The following PARP12 variants were observed in gnomAD, a reference collection of about 807,000 sequenced individuals.
PARP12 encodes the protein protein mono-ADP-ribosyltransferase PARP12.
PARP12 carries 59 observed loss-of-function variants against 72.4 expected under a neutral mutation model. The observed-to-expected ratio is 0.81, with a 90% CI of 0.66 to 1.01. PARP12 has a LOEUF of 1.01. PARP12 is among the 50% of genes least tolerant of loss of function. The pLI is 0.00. For missense variants in PARP12, 851 were observed against 914.0 expected, an observed-to-expected ratio of 0.93 and a Z score of 0.89; for synonymous variants, 403 against 371.4, an observed-to-expected ratio of 1.09 and a Z score of -0.98.
intron 4 of PARP12, among the ~76,000 whole-genome samples, chr7:140,052,985 C>T (rs1817024873): frequency 2.0e-5 from 3 of 152,152 alleles, no homozygotes; most frequent in Non-Finnish European, 2.9e-5. Context: ...AACTGAAACT[C>T]TCACACGTTG....
chr7:140,034,188 C>A (rs759178132), intron 8 of PARP12, 47 bp downstream of exon 8: 49 of 1,594,880 alleles, frequency 3.1e-5, no homozygotes, highest in Middle Eastern at 1.7e-4. Flanking sequence ...GCAGAGCACA[C>A]CCCAGCTGAT....
chr7:140,031,725 A>G (rs1437754010), intron 8 of PARP12, among the ~76,000 whole-genome samples: 1 of 152,068 alleles, frequency 6.6e-6, no homozygotes, highest in Non-Finnish European at 1.5e-5. Flanking sequence ...CCCCCTAAAA[A>G]CTAAATTAGA....
intron 6 of PARP12, among the ~76,000 whole-genome samples, chr7:140,038,598 G>A (rs945682671): frequency 7.9e-5 from 12 of 152,288 alleles, no homozygotes; most frequent in African/African-American, 2.9e-4. Context: ...GGAGCACTTA[G>A]TACAGTGCCC....
chr7:140,059,026 C>T (rs10435199), intron 1 of PARP12, among the ~76,000 whole-genome samples: 44,946 of 150,928 alleles, frequency 0.3, 7,686 homozygotes, highest in East Asian at 0.56. Flanking sequence ...ACCCAGGAGG[C>T]GGAGGCCGTG....
At chr7:140,046,721 A>AGTGTGTGTGTGTGTGTGTGTGT (rs9340757) in intron 5 of PARP12, among the ~76,000 whole-genome samples, 163 bp downstream of exon 5, 171 of 135,482 alleles carry the variant, frequency 1.3e-3, no homozygotes, top group Non-Finnish European at 2.0e-3. Flanking sequence ...GGTGGCTCAC[A>AGTGTGTGTGTGTGTGTGTGTGT]GTGTGTGTGT....
chr7:140,025,339 T>C (rs1815692583), intron 11 of PARP12: 1 of 283,166 alleles, frequency 3.5e-6, no homozygotes, highest in Non-Finnish European at 7.1e-6. Context: ...CAAATGGAAA[T>C]CTGAGTTAGA....
chr7:140,034,087 A>G (rs1328338339), intron 8 of PARP12, 148 bp downstream of exon 8: 3 of 1,347,818 alleles, frequency 2.2e-6, no homozygotes, highest in African/African-American at 3.0e-5. Context: ...TCCAACTAGT[A>G]GAAGACAAAC....
intron 3 of PARP12, 115 bp downstream of exon 3, chr7:140,056,741 C>T: frequency 9.0e-7 from 1 of 1,106,782 alleles, no homozygotes; most frequent in South Asian, 1.6e-5. Flanking sequence ...CTAAAAGCAG[C>T]ACCAGACTTG....
In PARP12 at chr7:140,041,816, C is replaced by G. The variant is rs372775000; in HGVS notation, c.1010G>C (p.Ser337Thr). The G allele has an allele frequency of 6.2e-6, 10 of 1,613,940 alleles. No homozygotes were observed. Among genetic ancestry groups the G allele is most frequent in the Non-Finnish European group, 8.5e-6 (10 of 1,179,894 alleles). The change falls in exon 6 of 12, where the codon AGT becomes ACT. Residue 337 changes from serine (S) to threonine (T), a missense_variant. By Grantham distance (58) the Ser-to-Thr change is moderately conservative. Transcript: ENST00000263549. ...GTTCAGACAATGAGAGTGAAAGGTACTGGCTGACTCAGAGCACAGGATCCT... is the reference window on the plus strand; with the variant it reads ...GTTCAGACAATGAGAGTGAAAGGTAGTGGCTGACTCAGAGCACAGGATCCT... ...IERILCSESA[S>T]TFHSHCLNFN... is the part of the protein sequence containing the mutation.
chr7:140,037,794 G>C lies in PARP12; in HGVS notation c.1245C>G (p.Tyr415Ter). The C allele has an allele frequency of 6.2e-7, 1 of 1,614,120 alleles. No homozygotes were observed. The highest frequency in any genetic ancestry group is 8.5e-7 in the Non-Finnish European group (1 of 1,179,920). ...SSDVEKAYLAYCTPGSDGQAA... is the reference protein window; with the variant it reads ...SSDVEKAYLA ...CCTGGCCGTCAGACCCCGGTGTACA[G>C]TAGGCCAGGTAGGCCTTCTCCACGT... Residue 415 changes from tyrosine (Y) to a stop codon, truncating the protein, a stop_gained, in exon 7 of 12, where the codon TAC becomes TAG. Transcript: ENST00000263549. LOFTEE classifies it high-confidence loss of function.
At chr7:140,056,677 T>C (rs1211002076) in intron 3 of PARP12, among the ~76,000 whole-genome samples, 179 bp downstream of exon 3, 1 of 152,216 alleles carries the variant, frequency 6.6e-6, no homozygotes, top group Non-Finnish European at 1.5e-5. Flanking sequence ...TTTCAACTTA[T>C]CCTCACCCCC....
At chr7:140,058,868 G>C (rs1167359311) in intron 1 of PARP12, among the ~76,000 whole-genome samples, 1 of 152,152 alleles carries the variant, frequency 6.6e-6, no homozygotes, top group African/African-American at 2.4e-5. Flanking sequence ...GGCCAGGGTG[G>C]ATGGATCACT....
At position 140,028,769 on chromosome 7, in the gene PARP12, A is replaced by G. The variant is rs1014454489; in HGVS notation, c.1422-81T>C. On this transcript the variant is annotated intron_variant, in intron 8 of 11. Transcript: ENST00000263549. ...TACCATAGGTGGTCTCTGCTAGCCA[A>G]TATCACCAGTCTTGAGTCTCAGCAC... 7.2e-5 allele frequency: 87 copies of G among 1,216,622 alleles called. 1 individual carries two copies. The East Asian group carries it at 1.8e-3, about 26-fold the overall frequency. The allele number at this position is 1,216,622 out of a possible 1,614,324, so 75.4% of individuals were successfully genotyped here. A position where few individuals can be genotyped will look rare whatever the true frequency, so the allele number is the denominator to read the frequency against.
chr7:140,041,012 C>A (rs986906842), intron 6 of PARP12, among the ~76,000 whole-genome samples: 1 of 152,202 alleles, frequency 6.6e-6, no homozygotes, highest in South Asian at 2.1e-4. Context: ...AACTGATCTG[C>A]CCACCTCGGC....
At chr7:140,039,074 C>A (rs984386439) in intron 6 of PARP12, among the ~76,000 whole-genome samples, 3 of 152,130 alleles carry the variant, frequency 2.0e-5, no homozygotes, top group African/African-American at 7.2e-5. Context: ...CCATAAGGGG[C>A]GGGTGTAAGA....
At chr7:140,057,200 C>T (rs750535456) in intron 2 of PARP12, 47 bp from the exon 3 acceptor site, 18 of 1,550,920 alleles carry the variant, frequency 1.2e-5, no homozygotes, top group South Asian at 3.7e-5. Context: ...AGGTCTCACA[C>T]GACACCACCT....
intron 1 of PARP12, among the ~76,000 whole-genome samples, chr7:140,061,227 C>T (rs1817430078): frequency 6.6e-6 from 1 of 152,198 alleles, no homozygotes; most frequent in South Asian, 2.1e-4. Context: ...AGGAAATCCA[C>T]CACTTCTAGA....
At chr7:140,032,375 C>T (rs1005170833) in intron 8 of PARP12, among the ~76,000 whole-genome samples, 5 of 151,862 alleles carry the variant, frequency 3.3e-5, no homozygotes, top group Admixed American at 6.6e-5. Context: ...CAGGGTCTCG[C>T]TATGTTGCCC....
rs1815824785 is a variant in PARP12, at chr7:140,028,645, C to A, written c.1465G>T (p.Asp489Tyr). 1 of 1,604,028 alleles carries A rather than the reference C, an allele frequency of 6.2e-7. No homozygotes were observed. The highest frequency in any genetic ancestry group is 1.3e-5 in the African/African-American group (1 of 74,872). The change falls in exon 9 of 12, where the codon GAC (aspartate) becomes TAC (tyrosine). Residue 489 changes from aspartate to tyrosine, a missense_variant. By Grantham distance (160) the Asp-to-Tyr change is radical (BLOSUM62 -3). This residue lies in a region of PARP12 where 347 missense variants were observed against 396.1 expected (regional missense o/e 0.88). Coordinates refer to ENST00000263549, the MANE Select transcript of PARP12 (RefSeq NM_022750.4). ...CCTGGGTCTGGCAGGGCAGAGGAGT[C>A]CCAATAGTCTGGGATGCTCTTCGGG... ...PGPKSIPDYW[D>Y]SSALPDPGFQ...
Sources: gnomAD v4.1 joint callset for allele counts (sites outside exome capture counted in the v4.1 genomes callset) on GRCh38, gnomAD v4.1.1 for gene constraint, gnomAD v4.1.1 regional missense constraint, MANE v1.5 for transcripts, NCBI Gene and HGNC (gene_info 2026-07-23, HGNC 2026-07-21) for gene names.